Variants in PLA2G7 observed in about 807,000 individuals in gnomAD.
PLA2G7 encodes the protein phospholipase A2 group VII, also known as platelet-activating factor acetylhydrolase.
In PLA2G7, 63 loss-of-function variants were observed where a neutral mutation model predicts 49.6. The ratio of observed to expected loss-of-function variants is 1.27; its 90% CI spans 1.04 to 1.57. The LOEUF (loss-of-function observed/expected upper bound fraction) is 1.57. Ranked by LOEUF, PLA2G7 falls within the 40% of genes most tolerant of loss-of-function variation. PLA2G7 has a pLI of 0.00. For missense variants in PLA2G7, 596 were observed against 521.2 expected (o/e 1.14, Z -1.40); for synonymous variants, 193 against 169.9 (o/e 1.14, Z -1.06).
Position 46,708,050 on chromosome 6 carries a change from A to G in PLA2G7, c.981T>C (p.Asn327=). 1 of 1,593,692 alleles carries G rather than the reference A, an allele frequency of 6.3e-7. No individual in the cohort carries two copies. Among genetic ancestry groups the G allele is most frequent in the Non-Finnish European group, 8.6e-7 (1 of 1,161,712 alleles). The part of the protein sequence containing the change: ...INSEYFQYPA[N]IIKMKKCYSP... Reference sequence around the variant, plus strand: ...AGTAGCATTTTTTCATTTTTATGATATTAGCAGGATATTGGAAATATTCAG... The same window carrying G: ...AGTAGCATTTTTTCATTTTTATGATGTTAGCAGGATATTGGAAATATTCAG... Residue 327 remains asparagine (N), a synonymous_variant, in exon 10 of 12, where the codon AAT becomes AAC. Transcript: ENST00000274793.
chr6:46,717,187 C>A, intron 2 of PLA2G7, 91 bp from the exon 3 acceptor site: 1 of 1,186,280 alleles, frequency 8.4e-7, no homozygotes, highest in South Asian at 1.2e-5. Context: ...AAGTTACTTC[C>A]CATAGTTTCT....
intron 10 of PLA2G7, among the ~76,000 whole-genome samples, chr6:46,707,655 C>T (rs936292069): frequency 1.3e-5 from 2 of 152,168 alleles, no homozygotes; most frequent in African/African-American, 4.8e-5. Flanking sequence ...TCCCCAGAAG[C>T]CGAGCAGATG....
rs1765021381 is a variant in PLA2G7 at position 46,711,543 on chromosome 6, G to A, written c.616C>T (p.Leu206Phe). 6.2e-7 allele frequency: 1 copy of A among 1,613,624 alleles called. No homozygotes were observed. Reference sequence around the variant, plus strand: ...TCCTCCTCTTGTTTCAGGGTTCTAAGGTAGAGCCAAGACTTGTCCCCTATT... The same window carrying A: ...TCCTCCTCTTGTTTCAGGGTTCTAAAGTAGAGCCAAGACTTGTCCCCTATT... The part of the protein sequence containing the change: ...AEIGDKSWLY[L>F]RTLKQEEETH... The change falls in exon 7 of 12, where the codon CTT (leucine) becomes TTT (phenylalanine). Residue 206 changes from leucine (L) to phenylalanine (F), a missense_variant. Coordinates refer to ENST00000274793, the MANE Select transcript of PLA2G7 (RefSeq NM_005084.4).
At position 46,717,036 on chromosome 6, in the gene PLA2G7, G is replaced by A. The variant is rs1422009776; in HGVS notation, c.170C>T (p.Pro57Leu). 1 of 1,613,710 alleles carries A rather than the reference G, an allele frequency of 6.2e-7. No individual in the cohort carries two copies. ...AACGGAATAAGGCCCATTTCCCCGG[G>A]GGATTTTAGTTTGGCCAAAGCTTGC... ...AAASFGQTKI[P>L]RGNGPYSVGC... The change falls in exon 3 of 12, where the codon CCC (proline) becomes CTC (leucine). Residue 57 changes from proline (P) to leucine (L), a missense_variant. Transcript: ENST00000274793.
chr6:46,724,311 T>TC (rs1180341787), intron 1 of PLA2G7, among the ~76,000 whole-genome samples: 27 of 152,304 alleles, frequency 1.8e-4, no homozygotes, highest in African/African-American at 6.3e-4. Context: ...TGATGGTTTT[T>TC]CCCCCTGCTG....
chr6:46,716,456 C>A lies in PLA2G7; in HGVS notation c.304G>T (p.Glu102Ter), dbSNP rs1489172760. 3.1e-6 allele frequency: 5 copies of A among 1,613,548 alleles called. No homozygotes were observed. Among genetic ancestry groups the A allele is most frequent in the South Asian group, 1.1e-5 (1 of 91,066 alleles). ...AATTTGCTAAGACCCCAAAAATATT[C>A]TTTATTTGGGATCCAAAGGGTGTCA... ...RLDTLWIPNKEYFWGLSKFLG... is the reference protein window; with the variant it reads ...RLDTLWIPNK The change falls in exon 4 of 12, where the codon GAA (glutamate) becomes TAA (stop). Residue 102 changes from glutamate (E) to a stop codon, truncating the protein, a stop_gained. Coordinates refer to ENST00000274793, the MANE Select transcript of PLA2G7 (RefSeq NM_005084.4). LOFTEE classifies it high-confidence loss of function.
intron 5 of PLA2G7, among the ~76,000 whole-genome samples, chr6:46,714,163 T>G (rs6899519): frequency 0.29 from 43,541 of 152,066 alleles, 6,393 homozygotes; most frequent in South Asian, 0.51. Context: ...AGTTCTAAAC[T>G]TTACAGAGGA....
At chr6:46,717,925 C>A (rs914837529) in intron 2 of PLA2G7, among the ~76,000 whole-genome samples, 3 of 152,106 alleles carry the variant, frequency 2.0e-5, no homozygotes, top group Non-Finnish European at 4.4e-5. Context: ...ACCACGTTGG[C>A]CAGAATGGTC....
chr6:46,728,771 G>A (rs1392375119), intron 1 of PLA2G7, among the ~76,000 whole-genome samples: 1 of 152,214 alleles, frequency 6.6e-6, no homozygotes, highest in African/African-American at 2.4e-5. Flanking sequence ...AACTGGATCT[G>A]TTGAGTGTTG....
At chr6:46,707,885 A>C (rs1385019900) in intron 10 of PLA2G7, 106 bp downstream of exon 10, 1 of 707,934 alleles carries the variant, frequency 1.4e-6, no homozygotes, top group East Asian at 2.7e-5. Flanking sequence ...TTGAAAGTCT[A>C]AACAACCAAT....
chr6:46,717,025 C>G lies in PLA2G7; in HGVS notation c.181G>C (p.Gly61Arg). The G allele has an allele frequency of 5.6e-6, 9 of 1,613,548 alleles. No homozygotes were observed. Among genetic ancestry groups the G allele is most frequent in the Non-Finnish European group, 7.6e-6 (9 of 1,179,470 alleles). Reference sequence around the variant, plus strand: ...TCTGTACAACCAACGGAATAAGGCCCATTTCCCCGGGGGATTTTAGTTTGG... The same window carrying G: ...TCTGTACAACCAACGGAATAAGGCCGATTTCCCCGGGGGATTTTAGTTTGG... ...FGQTKIPRGNGPYSVGCTDLM... is the reference protein window; with the variant it reads ...FGQTKIPRGNRPYSVGCTDLM... The change falls in exon 3 of 12, where the codon GGG becomes CGG. Residue 61 changes from glycine to arginine, a missense_variant. Physicochemically the swap from Gly to Arg is moderately radical, Grantham distance 125. Transcript: ENST00000274793.
chr6:46,704,983 G>A (rs149405928), intron 11 of PLA2G7, among the ~76,000 whole-genome samples, 170 bp downstream of exon 11: 50 of 152,268 alleles, frequency 3.3e-4, no homozygotes, highest in African/African-American at 1.0e-3. Context: ...TATAGAGGAT[G>A]TAAAGCAGCA....
intron 10 of PLA2G7, among the ~76,000 whole-genome samples, chr6:46,705,911 A>G (rs1240448028): frequency 6.6e-6 from 1 of 152,078 alleles, no homozygotes; most frequent in African/African-American, 2.4e-5. Context: ...GCCTTCTTGC[A>G]CTTTTTTTCT....
At chr6:46,724,179 C>A (rs75797274) in intron 1 of PLA2G7, among the ~76,000 whole-genome samples, 100 of 152,330 alleles carry the variant, frequency 6.6e-4, no homozygotes, top group African/African-American at 2.4e-3. Context: ...AATACATTCC[C>A]TATTTCCCTC....
At chr6:46,718,350 C>T (rs779235488) in intron 2 of PLA2G7, among the ~76,000 whole-genome samples, 6 of 152,240 alleles carry the variant, frequency 3.9e-5, no homozygotes, top group Non-Finnish European at 8.8e-5. Flanking sequence ...CACATGCTTT[C>T]CTAAGCCAAT....
intron 1 of PLA2G7, among the ~76,000 whole-genome samples, chr6:46,733,737 G>A (rs1409990707): frequency 6.6e-6 from 1 of 152,198 alleles, no homozygotes; most frequent in African/African-American, 2.4e-5. Context: ...GTGACCAGAA[G>A]GCCATCTGCT....
In PLA2G7 at chr6:46,704,500, A is replaced by G; in HGVS notation, c.*60T>C. On this transcript the variant is annotated 3_prime_UTR_variant, in exon 12 of 12. Coordinates refer to ENST00000274793, the MANE Select transcript of PLA2G7 (RefSeq NM_005084.4). ...CTCTCACACACACACACACACACAC[A>G]CACACACACATAATTTTAGACAGTT... The G allele has an allele frequency of 1.1e-6, 1 of 946,440 alleles. No individual in the cohort carries two copies. Among genetic ancestry groups the G allele is most frequent in the Non-Finnish European group, 1.7e-6 (1 of 582,674 alleles). 58.6% of individuals were successfully genotyped at this position (946,440 alleles called of 1,614,324 possible).
At chr6:46,716,572 C>T in intron 3 of PLA2G7, 44 bp from the exon 4 acceptor site, 1 of 1,595,482 alleles carries the variant, frequency 6.3e-7, no homozygotes, top group Non-Finnish European at 8.6e-7. Flanking sequence ...AGTTGTGTCT[C>T]AAACATATTC....
intron 1 of PLA2G7, among the ~76,000 whole-genome samples, chr6:46,725,162 G>C (rs569766964): frequency 6.6e-6 from 1 of 152,284 alleles, no homozygotes; most frequent in African/African-American, 2.4e-5. Context: ...GGGCTTTCGT[G>C]TAAGGGCAGC....
Sources: allele counts gnomAD v4.1 joint callset (sites outside exome capture counted in the v4.1 genomes callset), GRCh38; gene constraint gnomAD v4.1.1; transcripts MANE v1.5; gene names NCBI Gene and HGNC (gene_info 2026-07-23, HGNC 2026-07-21).